The following PHF3 variants were observed in gnomAD, a reference collection of about 807,000 sequenced individuals.
PHF3 encodes PHD finger protein 3.
A neutral mutation model predicts 178.4 loss-of-function variants in PHF3; 41 were observed. That is an observed-to-expected ratio of 0.23 (90% CI 0.18 to 0.30). The LOEUF (loss-of-function observed/expected upper bound fraction) is 0.30, where lower values mean the gene tolerates loss of function less well. Among genes scored for constraint, PHF3 ranks in the 10% least tolerant of loss-of-function variants. PHF3 has a pLI of 1.00. For synonymous variants in PHF3, 842 were observed against 800.5 expected, an observed-to-expected ratio of 1.05 and a Z score of -0.88; for missense variants, 2,346 against 2,398.1, an observed-to-expected ratio of 0.98 and a Z score of 0.45.
chr6:63,645,075 G>T (rs1337707945), intron 1 of PHF3, among the ~76,000 whole-genome samples: 1 of 151,854 alleles, frequency 6.6e-6, no homozygotes. Flanking sequence ...GTAGAGACGG[G>T]GTTTCGCCTT....
At chr6:63,657,597 C>G (rs1289948168) in intron 2 of PHF3, among the ~76,000 whole-genome samples, 1 of 151,846 alleles carries the variant, frequency 6.6e-6, no homozygotes, top group Non-Finnish European at 1.5e-5. Flanking sequence ...TCATCTTCAT[C>G]TTCATGTTTA....
intron 1 of PHF3, among the ~76,000 whole-genome samples, chr6:63,642,686 T>C (rs1764624586): frequency 6.6e-6 from 1 of 152,196 alleles, no homozygotes; most frequent in South Asian, 2.1e-4. Flanking sequence ...TATGTTTTAA[T>C]TATTTAGAAT....
At chr6:63,655,849 C>T (rs1234906042) in intron 2 of PHF3, among the ~76,000 whole-genome samples, 2 of 151,914 alleles carry the variant, frequency 1.3e-5, no homozygotes, top group Non-Finnish European at 2.9e-5. Context: ...TGCTATGTTG[C>T]CCAGGCTGGT....
At chr6:63,664,069 T>A (rs1431256947) in intron 2 of PHF3, among the ~76,000 whole-genome samples, 1 of 152,166 alleles carries the variant, frequency 6.6e-6, no homozygotes, top group African/African-American at 2.4e-5. Context: ...GGAATTCCAG[T>A]AAATGAGGGA....
chr6:63,661,728 TATATG>T (rs1447255145), intron 2 of PHF3, among the ~76,000 whole-genome samples: 1 of 152,198 alleles, frequency 6.6e-6, no homozygotes, highest in Non-Finnish European at 1.5e-5. Flanking sequence ...GAAGATGAGT[TATATG>T]ATACTATCTG....
Position 63,720,411 on chromosome 6 carries a change from G to C in PHF3, c.*6703G>C. 1.9e-6 allele frequency: 1 copy of C among 521,366 alleles called. No homozygotes were observed. Among genetic ancestry groups the C allele is most frequent in the Non-Finnish European group, 3.3e-6 (1 of 302,036 alleles). The allele number at this position is 521,366 out of a possible 1,614,324, so 32.3% of individuals were successfully genotyped here. On this transcript the variant is annotated 3_prime_UTR_variant, in exon 16 of 16. Coordinates refer to ENST00000262043, the MANE Select transcript of PHF3 (RefSeq NM_001370348.2). ...AATCAAAATATATACAGATAAATTAGATGTAGGAAAAACAATCAGAACCTT... is the reference window on the plus strand; with the variant it reads ...AATCAAAATATATACAGATAAATTACATGTAGGAAAAACAATCAGAACCTT...
At position 63,717,540 on chromosome 6, in the gene PHF3, A is replaced by G. The variant is rs1768228023; in HGVS notation, c.*3832A>G. 6.6e-6 allele frequency among the ~76,000 whole-genome samples: 1 copy of G among 152,042 alleles called. No homozygotes were observed. Among genetic ancestry groups the G allele is most frequent in the Non-Finnish European group, 1.5e-5 (1 of 67,960 alleles). ...GTTTCACAATTATAGTAATATGTAG[A>G]GCAAAAAAGTAGTGAGTTGAAAACA... On this transcript the variant is annotated 3_prime_UTR_variant, in exon 16 of 16. Transcript: ENST00000262043.
chr6:63,693,650 T>G (rs924512843), intron 5 of PHF3, among the ~76,000 whole-genome samples: 1 of 152,186 alleles, frequency 6.6e-6, no homozygotes, highest in African/African-American at 2.4e-5. Context: ...TTAACAATTT[T>G]AACATTTTGA....
At chr6:63,674,710 A>G (rs1257045670) in intron 2 of PHF3, among the ~76,000 whole-genome samples, 1 of 152,144 alleles carries the variant, frequency 6.6e-6, no homozygotes, top group Non-Finnish European at 1.5e-5. Flanking sequence ...TAAAGTAGAT[A>G]TCTATTCTTT....
At chr6:63,688,489 C>A (rs1766849334) in intron 4 of PHF3, among the ~76,000 whole-genome samples, 1 of 149,870 alleles carries the variant, frequency 6.7e-6, no homozygotes, top group Admixed American at 6.7e-5. Flanking sequence ...GCAAATGCCA[C>A]CATGCCCAGC....
chr6:63,676,264 G>A (rs1331982256), intron 2 of PHF3, among the ~76,000 whole-genome samples: 1 of 152,136 alleles, frequency 6.6e-6, no homozygotes, highest in Non-Finnish European at 1.5e-5. Context: ...TGGGGATTCA[G>A]CCACAAATAG....
Position 63,712,079 on chromosome 6 carries a change from A to G in PHF3, c.4491A>G (p.Pro1497=). The G allele has an allele frequency of 1.2e-6, 2 of 1,613,732 alleles. No homozygotes were observed. The highest frequency in any genetic ancestry group is 2.2e-5 in the South Asian group (2 of 91,082). The part of the protein sequence containing the change: ...VMEQNTVKEI[P]FLNEQTNSKI... Reference sequence around the variant, plus strand: ...AACAAAACACTGTTAAAGAAATTCCATTTTTAAATGAGCAGACCAACTCAA... The same window carrying G: ...AACAAAACACTGTTAAAGAAATTCCGTTTTTAAATGAGCAGACCAACTCAA... The change falls in exon 16 of 16, where the codon CCA becomes CCG. Residue 1497 remains proline (P), a synonymous_variant. Transcript: ENST00000262043.
chr6:63,700,271 A>G (rs768712728), intron 8 of PHF3, 79 bp from the exon 9 acceptor site: 3 of 605,362 alleles, frequency 5.0e-6, no homozygotes, highest in Non-Finnish European at 8.9e-6. Flanking sequence ...CAAAAATTGT[A>G]TCTTTATTAT....
chr6:63,698,585 T>C lies in PHF3; in HGVS notation c.2962T>C (p.Leu988=), dbSNP rs576103318. 6.2e-5 allele frequency: 97 copies of C among 1,575,008 alleles called. No individual in the cohort carries two copies. Among genetic ancestry groups the C allele is most frequent in the Admixed American group, 5.9e-4 (30 of 50,922 alleles). ...KNKYRSLMFN[L]KDPKNNILFK... ...CAAATATAGAAGTTTGATGTTTAAT[T>C]TGAAAGATCCTAAAAACAATGTAAG... The change falls in exon 8 of 16, where the codon TTG becomes CTG. Residue 988 remains leucine, a synonymous_variant. Coordinates refer to ENST00000262043, the MANE Select transcript of PHF3 (RefSeq NM_001370348.2).
intron 2 of PHF3, among the ~76,000 whole-genome samples, chr6:63,656,344 TGATA>T (rs1382850731): frequency 6.6e-6 from 1 of 152,260 alleles, no homozygotes; most frequent in African/African-American, 2.4e-5. Context: ...ACTGTATCTC[TGATA>T]GTTTTTGTTT....
chr6:63,641,880 G>A (rs1229860070), intron 1 of PHF3, among the ~76,000 whole-genome samples: 3 of 151,932 alleles, frequency 2.0e-5, no homozygotes, highest in African/African-American at 4.8e-5. Flanking sequence ...TGCCCGCCTC[G>A]TCCTCCCAAA....
At chr6:63,665,129 A>T (rs1426463754) in intron 2 of PHF3, among the ~76,000 whole-genome samples, 1 of 152,152 alleles carries the variant, frequency 6.6e-6, no homozygotes, top group African/African-American at 2.4e-5. Flanking sequence ...ATAATACGTA[A>T]CAATGAAAAC....
chr6:63,702,201 T>A (rs1767504002), intron 9 of PHF3: 1 of 163,792 alleles, frequency 6.1e-6, no homozygotes, highest in Non-Finnish European at 1.3e-5. Context: ...CAAACAGATT[T>A]CAAATACAAA....
rs1485658115 is a variant in PHF3, at chr6:63,719,689, G to C, written c.*5981G>C. On this transcript the variant is annotated 3_prime_UTR_variant, in exon 16 of 16. Transcript: ENST00000262043. ...TAGTAATTTTCCATGGCATTGTTTA[G>C]AACCTATTTTATGCCCAATTTTGAG... Among the ~76,000 whole-genome samples the C allele has an allele frequency of 1.3e-5, 2 of 152,048 alleles. No individual in the cohort carries two copies. Among genetic ancestry groups the C allele is most frequent in the African/African-American group, 4.8e-5 (2 of 41,444 alleles).
Sources: gnomAD v4.1 joint callset for allele counts (sites outside exome capture counted in the v4.1 genomes callset) on GRCh38, gnomAD v4.1.1 for gene constraint, MANE v1.5 for transcripts, NCBI Gene and HGNC (gene_info 2026-07-23, HGNC 2026-07-21) for gene names.